The following IDE variants were observed in gnomAD, a reference collection of about 807,000 sequenced individuals.
The protein encoded by IDE is insulin-degrading enzyme.
IDE carries 58 observed loss-of-function variants against 133.2 expected under a neutral mutation model. The ratio of observed to expected loss-of-function variants is 0.44; its 90% confidence interval spans 0.35 to 0.54. IDE has a LOEUF of 0.54. Among genes scored for constraint, IDE ranks in the 20% least tolerant of loss-of-function variants. The probability of loss-of-function intolerance (pLI) is 0.00; values close to 1 mark genes in which losing one functional copy is unlikely to be tolerated. For missense variants in IDE, 981 were observed against 1,234.0 expected (o/e 0.79, Z 3.07); for synonymous variants, 396 against 421.3 (o/e 0.94, Z 0.73).
intron 1 of IDE, among the ~76,000 whole-genome samples, chr10:92,568,178 A>G (rs952016493): frequency 2.0e-5 from 3 of 152,198 alleles, no homozygotes; most frequent in African/African-American, 7.2e-5. Flanking sequence ...ATTGTTGAGT[A>G]GGAAGTTTAT....
chr10:92,493,397 T>C (rs1043130266), intron 11 of IDE, among the ~76,000 whole-genome samples: 1 of 151,000 alleles, frequency 6.6e-6, no homozygotes. Context: ...TGATTTCTTT[T>C]TTTTTTTTTT....
chr10:92,573,805 G>C, intron 1 of IDE, 117 bp downstream of exon 1: 4 of 713,800 alleles, frequency 5.6e-6, no homozygotes, highest in South Asian at 2.4e-5. Flanking sequence ...CCGGCGGGAC[G>C]GGCGGCGTGA....
chr10:92,488,344 AC>A (rs1847126510), intron 12 of IDE, among the ~76,000 whole-genome samples: 1 of 151,994 alleles, frequency 6.6e-6, no homozygotes, highest in African/African-American at 2.4e-5. Flanking sequence ...CAATCTGCCC[AC>A]CTCAGCCTCC....
At chr10:92,543,955 G>A (rs935349533) in intron 1 of IDE, among the ~76,000 whole-genome samples, 6 of 152,144 alleles carry the variant, frequency 3.9e-5, no homozygotes, top group African/African-American at 7.2e-5. Context: ...GATATAGGCC[G>A]GGTGCCGTGG....
At chr10:92,565,832 C>T (rs1325585795) in intron 1 of IDE, among the ~76,000 whole-genome samples, 2 of 152,092 alleles carry the variant, frequency 1.3e-5, no homozygotes, top group Admixed American at 6.6e-5. Context: ...GTTTTAACGT[C>T]CCCATCTCTA....
At chr10:92,566,900 G>A (rs1261495625) in intron 1 of IDE, among the ~76,000 whole-genome samples, 1 of 152,180 alleles carries the variant, frequency 6.6e-6, no homozygotes, top group African/African-American at 2.4e-5. Context: ...CGTTACAGCT[G>A]AATCCACTTA....
intron 3 of IDE, 37 bp downstream of exon 3, chr10:92,534,541 C>T (rs1220409050): frequency 5.1e-6 from 6 of 1,181,252 alleles, no homozygotes; most frequent in African/African-American, 4.6e-5. Flanking sequence ...GTGATAAGTA[C>T]ACAAAGTTGG....
intron 11 of IDE, among the ~76,000 whole-genome samples, chr10:92,497,213 G>A (rs1030945169): frequency 2.6e-5 from 4 of 152,180 alleles, no homozygotes; most frequent in Non-Finnish European, 4.4e-5. Flanking sequence ...GGTAAAACAG[G>A]CACCAAATGA....
chr10:92,518,676 A>G (rs1185868524), intron 4 of IDE, among the ~76,000 whole-genome samples: 1 of 152,252 alleles, frequency 6.6e-6, no homozygotes, highest in Non-Finnish European at 1.5e-5. Context: ...ATAGTGGTAC[A>G]GTCATTCAAT....
chr10:92,479,400 G>C lies in IDE; in HGVS notation c.1761C>G (p.Pro587=), dbSNP rs1167158939. Residue 587 remains proline (P), a synonymous_variant, in exon 15 of 25, where the codon CCC becomes CCG. Transcript: ENST00000265986. The stretch of plus-strand genomic sequence containing the variant: ...ACAAATAGGCCATGTTACAGTGCAA[G>C]GGGTCCACATAAGCAAATGGGCTGG... ...EFFSPFAYVD[P]LHCNMAYLYL... 4.3e-6 allele frequency: 7 copies of C among 1,610,732 alleles called. No individual in the cohort carries two copies. The South Asian group carries it at 6.6e-5, about 15-fold the overall frequency.
chr10:92,526,845 CAAAAAAAA>C (rs1165598095), intron 4 of IDE, among the ~76,000 whole-genome samples: 1 of 54,274 alleles, frequency 1.8e-5, no homozygotes, highest in Non-Finnish European at 3.7e-5. Context: ...GGCCCTGTCT[CAAAAAAAA>C]AAAAAAAAAA....
intron 16 of IDE, among the ~76,000 whole-genome samples, chr10:92,475,350 A>C (rs1465663593): frequency 6.6e-6 from 1 of 152,222 alleles, no homozygotes; most frequent in Non-Finnish European, 1.5e-5. Context: ...AAAATATGGA[A>C]TCTTTATTTG....
intron 15 of IDE, among the ~76,000 whole-genome samples, chr10:92,478,109 T>G (rs1846380807): frequency 6.6e-6 from 1 of 152,206 alleles, no homozygotes; most frequent in Non-Finnish European, 1.5e-5. Flanking sequence ...TAAGCAAGCT[T>G]GGAAACACAT....
intron 2 of IDE, among the ~76,000 whole-genome samples, chr10:92,536,154 G>A (rs530885236): frequency 6.6e-6 from 1 of 151,982 alleles, no homozygotes; most frequent in East Asian, 1.9e-4. Context: ...AGGCTGAGGC[G>A]GGTGGATCAC....
intron 17 of IDE, among the ~76,000 whole-genome samples, chr10:92,471,940 T>A (rs1030692380): frequency 1.3e-5 from 2 of 152,114 alleles, no homozygotes; most frequent in African/African-American, 4.8e-5. Context: ...ACCTGCAGTC[T>A]TGGGCTGGGT....
intron 1 of IDE, among the ~76,000 whole-genome samples, chr10:92,571,902 G>C (rs975111392): frequency 6.6e-6 from 1 of 152,202 alleles, no homozygotes; most frequent in Non-Finnish European, 1.5e-5. Context: ...CATTCCTTAA[G>C]ATGAGAATAT....
At position 92,514,783 on chromosome 10, in the gene IDE, T is replaced by C. The variant is rs1334291526; in HGVS notation, c.784+137A>G. 6.2e-6 allele frequency: 4 copies of C among 641,428 alleles called. No homozygotes were observed. In the Admixed American group the frequency reaches 1.1e-4, roughly 18 times the overall value. 39.7% of individuals were successfully genotyped at this position (641,428 alleles called of 1,614,324 possible). ...CATAAAAATCCCCACCTATGTATTC[T>C]CTAACAAGTAGATCATTTTCAAAAG... On this transcript the variant is annotated intron_variant, in intron 5 of 24. Transcript: ENST00000265986.
intron 1 of IDE, among the ~76,000 whole-genome samples, chr10:92,566,413 T>TCTCTCA (rs777335340): frequency 4.4e-5 from 6 of 137,640 alleles, no homozygotes; most frequent in African/African-American, 1.1e-4. Context: ...TCTCTCTCTC[T>TCTCTCA]CACACACACA....
chr10:92,504,729 T>G, intron 11 of IDE, 65 bp downstream of exon 11: 1 of 839,120 alleles, frequency 1.2e-6, no homozygotes, highest in Non-Finnish European at 2.0e-6. Flanking sequence ...AATTTCAAAT[T>G]TTTTCAGATT....
Sources: gnomAD v4.1 joint callset for allele counts (sites outside exome capture counted in the v4.1 genomes callset) on GRCh38, gnomAD v4.1.1 for gene constraint, MANE v1.5 for transcripts, NCBI Gene and HGNC (gene_info 2026-07-23, HGNC 2026-07-21) for gene names.